The following ATAD3B variants were observed in gnomAD, a reference collection of about 807,000 sequenced individuals.
ATAD3B encodes ATPase family AAA domain-containing protein 3B.
A neutral mutation model predicts 70.2 loss-of-function variants in ATAD3B; 59 were observed. The observed-to-expected ratio is 0.84, with a 90% confidence interval of 0.68 to 1.04. The LOEUF (loss-of-function observed/expected upper bound fraction) is 1.04. Ranked by LOEUF, ATAD3B falls within the 50% of genes least tolerant of loss-of-function variation. ATAD3B has a pLI of 0.00. For synonymous variants in ATAD3B, 423 were observed against 388.6 expected (o/e 1.09, Z -1.04); for missense variants, 961 against 913.4 (o/e 1.05, Z -0.67).
At chr1:1,501,501 C>A (rs1640945022), downstream of ATAD3B, among the ~76,000 whole-genome samples, 1 of 152,076 alleles carries the variant, frequency 6.6e-6, no homozygotes, top group Admixed American at 6.6e-5. Context: ...GTGATCCGCC[C>A]GCCTCGGCCT....
chr1:1,486,619 G>T lies in ATAD3B; in HGVS notation c.1165G>T (p.Val389Leu). 2.5e-6 allele frequency: 4 copies of T among 1,610,886 alleles called. No individual in the cohort carries two copies. The highest frequency in any genetic ancestry group is 3.4e-6 in the Non-Finnish European group (4 of 1,179,154). The change falls in exon 11 of 16, where the codon GTG (valine) becomes TTG (leucine). Residue 389 changes from valine (V) to leucine (L), a missense_variant. This residue lies in a region of ATAD3B where 349 missense variants were observed against 307.5 expected (regional missense o/e 1.14). Coordinates refer to ENST00000673477, the MANE Select transcript of ATAD3B (RefSeq NM_031921.6). Reference sequence around the variant, plus strand: ...CGTGGCCCCCATGGGGCGGGAAGGCGTGACCGCCATGCACAAGCTCTTTGA... The same window carrying T: ...CGTGGCCCCCATGGGGCGGGAAGGCTTGACCGCCATGCACAAGCTCTTTGA... ...GDVAPMGREG[V>L]TAMHKLFDWA...
Position 1,496,362 on chromosome 1 carries a change from A to G in ATAD3B, c.*545A>G. 1 of 639,650 alleles carries G rather than the reference A, an allele frequency of 1.6e-6. No homozygotes were observed. Among genetic ancestry groups the G allele is most frequent in the Non-Finnish European group, 1.9e-6 (1 of 513,642 alleles). 39.6% of individuals were successfully genotyped at this position (639,650 alleles called of 1,614,324 possible). ...TCACATCAGCCTCGCGCCACATCCG[A>G]GTTGGGGTCTGAATGCTGCCCGGGA... On this transcript the variant is annotated 3_prime_UTR_variant, in exon 16 of 16. Coordinates refer to ENST00000673477, the MANE Select transcript of ATAD3B (RefSeq NM_031921.6).
chr1:1,477,156 G>T, intron 1 of ATAD3B, 118 bp from the exon 2 acceptor site: 1 of 1,373,144 alleles, frequency 7.3e-7, no homozygotes, highest in South Asian at 1.3e-5. Context: ...TTACAGGCGT[G>T]AACCACCGCT....
At position 1,495,557 on chromosome 1, in the gene ATAD3B, C is replaced by T. The variant is rs1640742261; in HGVS notation, c.1687C>T (p.Gln563Ter). ...MMDACVQDAV[Q>*]QYRQKMRWLK... is the part of the protein sequence containing the mutation. ...GGACGCCTGTGTGCAAGATGCTGTC[C>T]AGCAGTACCGACAGAAGATGCGCTG... Residue 563 changes from glutamine to a stop codon, truncating the protein, a stop_gained, in exon 16 of 16, where the codon CAG becomes TAG. Transcript: ENST00000673477. LOFTEE classifies it low-confidence loss of function (END_TRUNC). 6.2e-7 allele frequency: 1 copy of T among 1,613,210 alleles called. No individual in the cohort carries two copies. The highest frequency in any genetic ancestry group is 1.1e-5 in the South Asian group (1 of 91,016).
Position 1,488,007 on chromosome 1 carries a change from T to TG in ATAD3B, c.1266+94dup, listed in dbSNP as rs375895549. On this transcript the variant is annotated intron_variant, in intron 12 of 15. Coordinates refer to ENST00000673477, the MANE Select transcript of ATAD3B (RefSeq NM_031921.6). ...CCAGGCTGCAGCCCTTAAGCTGGCTTGCAGTGGCGCAATCTTGGCTCGCTG... is the reference window on the plus strand; with the variant it reads ...CCAGGCTGCAGCCCTTAAGCTGGCTTGGCAGTGGCGCAATCTTGGCTCGCTG... 867 of 1,542,984 alleles carry TG rather than the reference T, an allele frequency of 5.6e-4. 8 individuals are homozygous for TG. In the African/African-American group the frequency reaches 0.01, roughly 18 times the overall value.
At chr1:1,481,784 T>C (rs1307213726) in intron 5 of ATAD3B, among the ~76,000 whole-genome samples, 4 of 151,776 alleles carry the variant, frequency 2.6e-5, no homozygotes, top group South Asian at 4.2e-4. Flanking sequence ...CCCTAATCCA[T>C]GGGCAGGGCC....
At chr1:1,498,783 G>C (rs1640874620), downstream of ATAD3B, among the ~76,000 whole-genome samples, 1 of 150,906 alleles carries the variant, frequency 6.6e-6, no homozygotes, top group Admixed American at 6.6e-5. Flanking sequence ...GCGGCTCACT[G>C]TGTTTTATGT....
chr1:1,484,585 C>T (rs1640100476), intron 7 of ATAD3B: 1 of 165,550 alleles, frequency 6.0e-6, no homozygotes, highest in Non-Finnish European at 1.3e-5. Flanking sequence ...CCTTGGCCTC[C>T]CAAAGTGCTG....
chr1:1,499,065 G>A (rs554667809), downstream of ATAD3B, among the ~76,000 whole-genome samples: 18 of 151,206 alleles, frequency 1.2e-4, no homozygotes, highest in East Asian at 1.2e-3. Context: ...TCCACCTCCC[G>A]GGTTCACGCC....
intron 15 of ATAD3B, among the ~76,000 whole-genome samples, chr1:1,491,866 G>A (rs1363673092): frequency 6.6e-6 from 1 of 151,910 alleles, no homozygotes; most frequent in East Asian, 1.9e-4. Context: ...GTCCCCACTT[G>A]GAACCAGGTC....
At chr1:1,485,725 G>A in intron 8 of ATAD3B, 57 bp from the exon 9 acceptor site, 1 of 1,607,998 alleles carries the variant, frequency 6.2e-7, no homozygotes, top group Non-Finnish European at 8.5e-7. Flanking sequence ...GTGCGTTGGT[G>A]GCTGTTCCGT....
chr1:1,474,083 C>T (rs1489911673), intron 1 of ATAD3B, among the ~76,000 whole-genome samples: 1 of 152,078 alleles, frequency 6.6e-6, no homozygotes, highest in Non-Finnish European at 1.5e-5. Flanking sequence ...TGGGGTCTTG[C>T]TTTGTCGCCC....
intron 1 of ATAD3B, among the ~76,000 whole-genome samples, chr1:1,475,137 G>A (rs1280265543): frequency 1.3e-5 from 2 of 148,918 alleles, no homozygotes; most frequent in Non-Finnish European, 3.0e-5. Context: ...CCCGCAGTCC[G>A]CTCTGCCGGC....
At position 1,471,882 on chromosome 1, in the gene ATAD3B, A is replaced by G. The variant is rs776539651; in HGVS notation, c.-3A>G. On this transcript the variant is annotated 5_prime_UTR_variant, in exon 1 of 16. Coordinates refer to ENST00000673477, the MANE Select transcript of ATAD3B (RefSeq NM_031921.6). ...CGGCGGTAGCGGCGGCGGCGGTGCG[A>G]GCATGTCGTGGCTCTTCGGCGTTAA... 6.3e-6 allele frequency: 8 copies of G among 1,274,146 alleles called. No homozygotes were observed. In the East Asian group the frequency reaches 1.2e-4, roughly 19 times the overall value. The allele number at this position is 1,274,146 out of a possible 1,614,324, so 78.9% of individuals were successfully genotyped here.
In ATAD3B at chr1:1,482,218, G is replaced by C. The variant is rs146907250; in HGVS notation, c.595G>C (p.Ala199Pro). 3.9e-4 allele frequency: 634 copies of C among 1,611,312 alleles called. 11 individuals carry two copies. The highest frequency in any genetic ancestry group is 5.0e-4 in the Non-Finnish European group (593 of 1,179,282). Residue 199 changes from alanine to proline, a missense_variant, in exon 6 of 16, where the codon GCC (alanine) becomes CCC (proline). This residue lies in a region of ATAD3B where 349 missense variants were observed against 307.5 expected (regional missense o/e 1.14). Transcript: ENST00000673477. ...GACCGAGGCCCGGGCGCGCGCCAAG[G>C]CCGAGCGGGAGAATGCAGACATCAT... is the stretch of plus-strand genomic sequence containing the variant. The part of the protein sequence containing the change: ...VETEARARAK[A>P]ERENADIIRE...
chr1:1,502,506 CATTTTT>C (rs1444239797), downstream of ATAD3B, among the ~76,000 whole-genome samples: 3 of 113,732 alleles, frequency 2.6e-5, no homozygotes, highest in African/African-American at 1.3e-4. Context: ...CCGTGCCCAG[CATTTTT>C]TTTTTTTTTT....
the ATAD3B span, among the ~76,000 whole-genome samples, chr1:1,505,270 GGAGA>G: frequency 6.6e-6 from 1 of 152,090 alleles, no homozygotes; most frequent in African/African-American, 2.4e-5. Flanking sequence ...AGGGAGGGAG[GGAGA>G]GAGAGAGACA....
intron 4 of ATAD3B, among the ~76,000 whole-genome samples, chr1:1,480,306 G>A (rs1639842880): frequency 6.9e-6 from 1 of 144,312 alleles, no homozygotes; most frequent in Non-Finnish European, 1.5e-5. Flanking sequence ...GGGTTCCACA[G>A]CAGCGGCTCT....
downstream of ATAD3B, among the ~76,000 whole-genome samples, chr1:1,500,857 T>G (rs1287682738): frequency 6.6e-6 from 1 of 151,590 alleles, no homozygotes; most frequent in East Asian, 2.0e-4. Context: ...CTTGGGAGGC[T>G]GAGGCAGGAG....
Sources: gnomAD v4.1 joint callset for allele counts (sites outside exome capture counted in the v4.1 genomes callset) on GRCh38, gnomAD v4.1.1 for gene constraint, gnomAD v4.1.1 regional missense constraint, MANE v1.5 for transcripts, NCBI Gene and HGNC (gene_info 2026-07-23, HGNC 2026-07-21) for gene names.